The following SETBP1 variants were observed in gnomAD, a reference collection of about 807,000 sequenced individuals.
SETBP1 encodes SET-binding protein.
SETBP1 carries 9 observed loss-of-function variants against 101.0 expected under a neutral mutation model. The ratio of observed to expected loss-of-function variants is 0.09; its 90% confidence interval spans 0.05 to 0.16. The LOEUF is 0.16. Ranked by LOEUF, SETBP1 falls within the 10% of genes least tolerant of loss-of-function variation. The pLI is 1.00. For synonymous variants in SETBP1, 818 were observed against 788.5 expected, an observed-to-expected ratio of 1.04 and a Z score of -0.63; for missense variants, 1,858 against 2,033.8, an observed-to-expected ratio of 0.91 and a Z score of 1.66.
intron 4 of SETBP1, among the ~76,000 whole-genome samples, chr18:44,975,981 T>A (rs953266644): frequency 6.6e-6 from 1 of 152,106 alleles, no homozygotes; most frequent in Non-Finnish European, 1.5e-5. Context: ...TCTGTCTACC[T>A]TAAGGAATTA....
At chr18:44,680,262 C>T (rs1324622315), upstream of SETBP1, 2 of 148,724 alleles carry the variant, frequency 1.3e-5, no homozygotes, top group Middle Eastern at 3.4e-3. Context: ...GCGGCCAGCT[C>T]GCGGCTCGCC....
intron 4 of SETBP1, among the ~76,000 whole-genome samples, chr18:45,009,429 A>T (rs78256477): frequency 0.01 from 1,544 of 151,254 alleles, 28 homozygotes; most frequent in African/African-American, 0.036. Flanking sequence ...AACCTCAACG[A>T]GTGGTTCAGC....
At chr18:44,974,015 T>C (rs751593433) in intron 4 of SETBP1, among the ~76,000 whole-genome samples, 12 of 152,344 alleles carry the variant, frequency 7.9e-5, no homozygotes, top group Non-Finnish European at 1.5e-4. Flanking sequence ...TCAATACCTA[T>C]GTAAAATTTA....
intron 2 of SETBP1, among the ~76,000 whole-genome samples, chr18:44,798,576 G>A (rs1477264659): frequency 6.6e-6 from 1 of 152,164 alleles, no homozygotes; most frequent in African/African-American, 2.4e-5. Context: ...CAAAGTGGCT[G>A]AATCTAAAAT....
intron 4 of SETBP1, chr18:44,970,177 A>G (rs561740902): frequency 1.3e-5 from 2 of 154,834 alleles, no homozygotes; most frequent in Admixed American, 1.3e-4. Context: ...AAAGGTGATG[A>G]TGGGCTCTGA....
intron 2 of SETBP1, among the ~76,000 whole-genome samples, chr18:44,728,121 G>C (rs2069756163): frequency 6.6e-6 from 1 of 152,196 alleles, no homozygotes; most frequent in Non-Finnish European, 1.5e-5. Context: ...CTAATTCTGA[G>C]AGACAGAATA....
chr18:44,728,200 CT>C (rs1488917569), intron 2 of SETBP1, among the ~76,000 whole-genome samples: 1 of 152,194 alleles, frequency 6.6e-6, no homozygotes, highest in African/African-American at 2.4e-5. Flanking sequence ...CTGTATTGTA[CT>C]GTCTGATTTA....
chr18:44,907,912 C>T (rs756189280), intron 3 of SETBP1, among the ~76,000 whole-genome samples: 1 of 151,994 alleles, frequency 6.6e-6, no homozygotes, highest in Non-Finnish European at 1.5e-5. Context: ...TTTGCCTAAC[C>T]AAAGGTCAAA....
intron 2 of SETBP1, among the ~76,000 whole-genome samples, chr18:44,730,158 C>G (rs911927466): frequency 6.6e-6 from 1 of 152,180 alleles, no homozygotes; most frequent in Non-Finnish European, 1.5e-5. Flanking sequence ...ATATTGAATA[C>G]GACTTGCTTT....
chr18:45,060,755 T>G (rs531018849), intron 5 of SETBP1, among the ~76,000 whole-genome samples: 30 of 152,322 alleles, frequency 2.0e-4, no homozygotes, highest in African/African-American at 7.0e-4. Context: ...TTTATTTATT[T>G]TGGTTTGGAG....
intron 5 of SETBP1, among the ~76,000 whole-genome samples, chr18:45,054,647 GTC>G (rs1288639156): frequency 2.0e-5 from 3 of 152,134 alleles, no homozygotes; most frequent in Admixed American, 6.5e-5. Context: ...TATTTCTGAG[GTC>G]TCTGTTTTGC....
intron 2 of SETBP1, among the ~76,000 whole-genome samples, chr18:44,853,038 TG>T (rs1390276717): frequency 6.6e-6 from 1 of 152,204 alleles, no homozygotes; most frequent in Non-Finnish European, 1.5e-5. Flanking sequence ...AATTTGACCT[TG>T]GGGCATTTAA....
intron 3 of SETBP1, among the ~76,000 whole-genome samples, chr18:44,883,977 C>T (rs1290692754): frequency 6.6e-6 from 1 of 152,100 alleles, no homozygotes; most frequent in Admixed American, 6.5e-5. Context: ...TAATTGCTCC[C>T]CAAAGGAAAA....
chr18:44,835,623 C>G (rs1344624473), intron 2 of SETBP1, among the ~76,000 whole-genome samples: 1 of 152,140 alleles, frequency 6.6e-6, no homozygotes, highest in Non-Finnish European at 1.5e-5. Context: ...GTCTAAGAAT[C>G]TCATTTTAGA....
At chr18:45,011,662 G>A (rs1361431562) in intron 4 of SETBP1, among the ~76,000 whole-genome samples, 1 of 152,206 alleles carries the variant, frequency 6.6e-6, no homozygotes, top group Non-Finnish European at 1.5e-5. Context: ...CTATTCTAGA[G>A]CTATGCATGT....
chr18:44,711,703 A>AAT, intron 2 of SETBP1, among the ~76,000 whole-genome samples: 1 of 91,990 alleles, frequency 1.1e-5, no homozygotes, highest in Non-Finnish European at 2.0e-5. Flanking sequence ...TTTATCTTTA[A>AAT]ATTTTTTTTT....
At chr18:44,686,934 C>CT (rs1248421054) in intron 1 of SETBP1, among the ~76,000 whole-genome samples, 2 of 152,194 alleles carry the variant, frequency 1.3e-5, no homozygotes, top group African/African-American at 2.4e-5. Flanking sequence ...CTACTGGAGT[C>CT]TCATTGTGAC....
At chr18:45,005,651 T>C (rs1384294255) in intron 4 of SETBP1, among the ~76,000 whole-genome samples, 1 of 147,276 alleles carries the variant, frequency 6.8e-6, no homozygotes, top group Non-Finnish European at 1.5e-5. Context: ...TCCTTTTTTT[T>C]TTTTTTTTTT....
chr18:44,839,671 G>A (rs1014054009), intron 2 of SETBP1, among the ~76,000 whole-genome samples: 2 of 152,218 alleles, frequency 1.3e-5, no homozygotes, highest in Admixed American at 6.5e-5. Flanking sequence ...ATAACAACAG[G>A]TAGAGGACCA....
Sources: allele counts gnomAD v4.1 joint callset (sites outside exome capture counted in the v4.1 genomes callset), GRCh38; gene constraint gnomAD v4.1.1; transcripts MANE v1.5; gene names NCBI Gene and HGNC (gene_info 2026-07-23, HGNC 2026-07-21).